Variants in CTDP1 observed in about 807,000 individuals in gnomAD.
CTDP1 encodes the protein CTD phosphatase 1.
CTDP1 carries 47 observed loss-of-function variants against 91.8 expected under a neutral mutation model. That is an observed-to-expected ratio of 0.51 (90% CI 0.41 to 0.65). The LOEUF is 0.65. Ranked by LOEUF, CTDP1 falls within the 30% of genes least tolerant of loss-of-function variation. The pLI, the probability that CTDP1 is intolerant of heterozygous loss-of-function variation, is 0.00. For missense variants in CTDP1, 1,272 were observed against 1,373.7 expected (o/e 0.93, Z 1.17); for synonymous variants, 656 against 598.5 (o/e 1.10, Z -1.40).
At chr18:79,729,841 G>A (rs2086529765) in intron 11 of CTDP1, among the ~76,000 whole-genome samples, 1 of 152,210 alleles carries the variant, frequency 6.6e-6, no homozygotes, top group South Asian at 2.1e-4. Context: ...GCGCCTGTGT[G>A]GGGTGCTCAC....
At chr18:79,732,283 C>CT (rs1308571365) in intron 11 of CTDP1, among the ~76,000 whole-genome samples, 1 of 150,060 alleles carries the variant, frequency 6.7e-6, no homozygotes, top group African/African-American at 2.5e-5. Context: ...TGAGAACTCG[C>CT]TAACATCAGG....
At chr18:79,724,359 G>A (rs2086404065) in intron 10 of CTDP1, among the ~76,000 whole-genome samples, 1 of 152,214 alleles carries the variant, frequency 6.6e-6, no homozygotes, top group Admixed American at 6.5e-5. Flanking sequence ...TAAATTGGAT[G>A]GTGAGTGTGT....
intron 11 of CTDP1, among the ~76,000 whole-genome samples, chr18:79,730,079 C>T (rs2086535381): frequency 6.6e-6 from 1 of 152,246 alleles, no homozygotes; most frequent in African/African-American, 2.4e-5. Context: ...GTCTCAGTAA[C>T]TCAGGTCATC....
At chr18:79,702,436 C>T (rs1203721388) in intron 4 of CTDP1, among the ~76,000 whole-genome samples, 8 of 152,142 alleles carry the variant, frequency 5.3e-5, no homozygotes, top group South Asian at 2.1e-4. Flanking sequence ...TGCAGTGACA[C>T]GATCTCTCTA....
chr18:79,748,116 C>G (rs1225314259), intron 12 of CTDP1, among the ~76,000 whole-genome samples: 1 of 152,300 alleles, frequency 6.6e-6, no homozygotes, highest in South Asian at 2.1e-4. Flanking sequence ...GAACAAAATA[C>G]AAATATTGCA....
At chr18:79,712,930 T>A (rs769650635) in intron 6 of CTDP1, 42 bp from the exon 7 acceptor site, 3 of 1,600,730 alleles carry the variant, frequency 1.9e-6, no homozygotes, top group Non-Finnish European at 2.6e-6. Flanking sequence ...GACTACAACT[T>A]TTCATTATTA....
intron 1 of CTDP1, among the ~76,000 whole-genome samples, chr18:79,693,755 C>T (rs1422991710): frequency 6.6e-6 from 1 of 152,162 alleles, no homozygotes; most frequent in Non-Finnish European, 1.5e-5. Context: ...ACACGCCCAT[C>T]CTCCTCCCCA....
At chr18:79,714,383 AG>A in intron 7 of CTDP1, 107 bp from the exon 8 acceptor site, 1 of 1,292,492 alleles carries the variant, frequency 7.7e-7, no homozygotes, top group Non-Finnish European at 1.1e-6. Context: ...CCTGGTCTAG[AG>A]GGTGGTGGAC....
rs927964701 is a variant in CTDP1, at chr18:79,728,188, C to T, written c.2418-719C>T. On this transcript the variant is annotated intron_variant, in intron 10 of 12. Coordinates refer to ENST00000613122, the MANE Select transcript of CTDP1 (RefSeq NM_004715.5). ...AATCTCGGCTCACTGCAACCTCTGC[C>T]TCCCAGGTTCAAGCGATTCTCCTGC... 2.0e-5 allele frequency among the ~76,000 whole-genome samples: 3 copies of T among 152,220 alleles called. No homozygotes were observed. The South Asian group carries it at 6.2e-4, about 32-fold the overall frequency.
downstream of CTDP1, chr18:79,756,519 A>G (rs2087095238): frequency 6.6e-6 from 1 of 152,274 alleles, no homozygotes; most frequent in Admixed American, 6.5e-5. Flanking sequence ...ATTAACGTTT[A>G]TGAAATGTTC....
At chr18:79,711,901 T>C (rs953006351) in intron 6 of CTDP1, among the ~76,000 whole-genome samples, 3 of 128,712 alleles carry the variant, frequency 2.3e-5, no homozygotes, top group East Asian at 4.6e-4. Context: ...CCGTCCTTGC[T>C]GATGTAACAC....
At chr18:79,720,458 C>G (rs1005530796) in intron 10 of CTDP1, among the ~76,000 whole-genome samples, 1 of 151,316 alleles carries the variant, frequency 6.6e-6, no homozygotes, top group Non-Finnish European at 1.5e-5. Flanking sequence ...GATGCTGTCA[C>G]CTCCTGTCAT....
At chr18:79,746,724 G>A (rs554805904) in intron 12 of CTDP1, among the ~76,000 whole-genome samples, 15 of 152,258 alleles carry the variant, frequency 9.9e-5, no homozygotes, top group African/African-American at 3.6e-4. Context: ...TCAAGGGATC[G>A]TCCCGCCTCA....
At chr18:79,688,421 T>A (rs1274338693) in intron 1 of CTDP1, among the ~76,000 whole-genome samples, 1 of 152,184 alleles carries the variant, frequency 6.6e-6, no homozygotes, top group Admixed American at 6.5e-5. Flanking sequence ...CCCACCACCA[T>A]GCCCAGCTAA....
rs563473378 is a variant in CTDP1, at chr18:79,692,316, C to T, written c.315-2909C>T. On this transcript the variant is annotated intron_variant, in intron 1 of 12. Coordinates refer to ENST00000613122, the MANE Select transcript of CTDP1 (RefSeq NM_004715.5). ...GAGTTTTCTGGGCACCTTGGTGGGT[C>T]GTCTGTCGGTCATACCTTTGAGTCT... Among the ~76,000 whole-genome samples the T allele has an allele frequency of 1.1e-4, 16 of 152,164 alleles. No individual in the cohort carries two copies. In the East Asian group the frequency reaches 1.4e-3, roughly 13 times the overall value.
intron 12 of CTDP1, among the ~76,000 whole-genome samples, chr18:79,742,819 A>T (rs1034341920): frequency 2.0e-5 from 3 of 152,166 alleles, no homozygotes; most frequent in Non-Finnish European, 2.9e-5. Flanking sequence ...TTAGCTGGGC[A>T]TGGTGGTGCA....
chr18:79,743,044 G>C (rs2086810477), intron 12 of CTDP1, among the ~76,000 whole-genome samples: 2 of 152,256 alleles, frequency 1.3e-5, no homozygotes, highest in South Asian at 4.1e-4. Flanking sequence ...GCCGCGCCGA[G>C]GAGGGGCCTA....
In CTDP1 at chr18:79,753,921, A is replaced by G. The variant is rs1672563858; in HGVS notation, c.*131A>G. ...CATGTATATTTGCAGAGCTCCACAT[A>G]CAGAAACACATTATTTTGCAGAAAT... On this transcript the variant is annotated 3_prime_UTR_variant, in exon 13 of 13. Coordinates refer to ENST00000613122, the MANE Select transcript of CTDP1 (RefSeq NM_004715.5). 4 of 1,222,652 alleles carry G rather than the reference A, an allele frequency of 3.3e-6. No homozygotes were observed. The African/African-American group carries it at 6.1e-5, about 18-fold the overall frequency. 75.7% of individuals were successfully genotyped at this position (1,222,652 alleles called of 1,614,324 possible). A position where few individuals can be genotyped will look rare whatever the true frequency, so the allele number is the denominator to read the frequency against.
chr18:79,694,493 C>CTG lies in CTDP1; in HGVS notation c.315-732_315-731insTG, dbSNP rs2085704467. 8.4e-5 allele frequency among the ~76,000 whole-genome samples: 12 copies of CTG among 142,028 alleles called. No homozygotes were observed. The South Asian group carries it at 1.2e-3, about 15-fold the overall frequency. 93.2% of individuals were successfully genotyped at this position (142,028 alleles called of 152,430 possible). A position where few individuals can be genotyped will look rare whatever the true frequency, so the allele number is the denominator to read the frequency against. On this transcript the variant is annotated intron_variant, in intron 1 of 12. Transcript: ENST00000613122. Reference sequence around the variant, plus strand: ...CGCTGAGTGCTGGGCGGTCTCATGTCCACGGGGTGGGGTGGTCGGAGCAGC... The same window carrying CTG: ...CGCTGAGTGCTGGGCGGTCTCATGTCTGCACGGGGTGGGGTGGTCGGAGCAGC...
Sources: allele counts gnomAD v4.1 joint callset (sites outside exome capture counted in the v4.1 genomes callset), GRCh38; gene constraint gnomAD v4.1.1; transcripts MANE v1.5; gene names NCBI Gene and HGNC (gene_info 2026-07-23, HGNC 2026-07-21).